The following KIZ variants were observed in gnomAD, a reference collection of about 807,000 sequenced individuals.
KIZ encodes centrosomal protein kizuna.
KIZ carries 68 observed loss-of-function variants against 79.6 expected under a neutral mutation model. The observed-to-expected ratio is 0.85, with a 90% CI of 0.70 to 1.05. The LOEUF (loss-of-function observed/expected upper bound fraction) is 1.05. Among genes scored for constraint, KIZ ranks in the 50% least tolerant of loss-of-function variants. The pLI is 0.00. For missense variants in KIZ, 797 were observed against 800.4 expected (o/e 1.00, Z 0.05); for synonymous variants, 280 against 281.8 (o/e 0.99, Z 0.06).
At chr20:21,146,949 G>A (rs112247623) in intron 4 of KIZ, among the ~76,000 whole-genome samples, 9 of 152,216 alleles carry the variant, frequency 5.9e-5, no homozygotes, top group Admixed American at 1.3e-4. Context: ...TATGCCATTC[G>A]ATGTAGGCCA....
chr20:21,184,920 G>A (rs2034808360), intron 6 of KIZ, among the ~76,000 whole-genome samples: 1 of 152,176 alleles, frequency 6.6e-6, no homozygotes, highest in African/African-American at 2.4e-5. Context: ...GTACACACCT[G>A]TAATCCTAGC....
chr20:21,193,176 C>T (rs911961581), intron 6 of KIZ, among the ~76,000 whole-genome samples: 2 of 152,114 alleles, frequency 1.3e-5, no homozygotes, highest in African/African-American at 4.8e-5. Context: ...AAATTTGTTA[C>T]TATTTATGAT....
rs375352426 is a variant in KIZ, at chr20:21,221,308, GCA to G, written c.1678+5663_1678+5664del. 3.3e-4 allele frequency among the ~76,000 whole-genome samples: 50 copies of G among 152,238 alleles called. 1 individual carries two copies. In the East Asian group the frequency reaches 8.7e-3, roughly 26 times the overall value. Reference sequence around the variant, plus strand: ...AATACAGCACCTAGCACAGTATCTGGCACAGAGTGGGCACTTAATTTGTCAAA... The same window carrying G: ...AATACAGCACCTAGCACAGTATCTGGCAGAGTGGGCACTTAATTTGTCAAA... On this transcript the variant is annotated intron_variant, in intron 9 of 12. Transcript: ENST00000619189.
intron 4 of KIZ, among the ~76,000 whole-genome samples, chr20:21,156,603 A>G (rs2033393939): frequency 6.6e-6 from 1 of 152,176 alleles, no homozygotes. Flanking sequence ...CTGGCTTATT[A>G]TTGGCCCAAT....
chr20:21,179,948 A>C (rs566212303), intron 6 of KIZ, among the ~76,000 whole-genome samples: 5 of 152,126 alleles, frequency 3.3e-5, no homozygotes, highest in Non-Finnish European at 7.4e-5. Context: ...AGTCTTTTTA[A>C]ATTTGTAAGA....
chr20:21,162,790 T>C (rs1378847962), intron 5 of KIZ, 60 bp from the exon 6 acceptor site: 1 of 1,347,032 alleles, frequency 7.4e-7, no homozygotes, highest in African/African-American at 1.4e-5. Context: ...TTCTGCTGTG[T>C]GTTACCTTGC....
Position 21,166,641 on chromosome 20 carries a change from A to G in KIZ, c.1352+3482A>G, listed in dbSNP as rs369153657. On this transcript the variant is annotated intron_variant, in intron 6 of 12. Coordinates refer to ENST00000619189, the MANE Select transcript of KIZ (RefSeq NM_018474.6). ...CTTTTGTATTTTTTTTTTTTTTTGG[A>G]GAGACTTGGTTTCTCCATGTTGGTC... 3,114 of 805,636 alleles carry G rather than the reference A, an allele frequency of 3.9e-3. 69 individuals are homozygous for G. The African/African-American group carries it at 0.054, about 14-fold the overall frequency. The allele number at this position is 805,636 out of a possible 1,614,324, so 49.9% of individuals were successfully genotyped here. A position where few individuals can be genotyped will look rare whatever the true frequency, so the allele number is the denominator to read the frequency against.
At chr20:21,209,449 G>T (rs567578982) in intron 7 of KIZ, among the ~76,000 whole-genome samples, 4 of 152,290 alleles carry the variant, frequency 2.6e-5, no homozygotes, top group African/African-American at 9.6e-5. Context: ...GTAGATCGGG[G>T]TCCTGCCCCC....
Position 21,162,298 on chromosome 20 carries a change from T to TA in KIZ, c.834dup (p.Arg279ThrfsTer12). The TA allele has an allele frequency of 1.2e-6, 2 of 1,613,732 alleles. No homozygotes were observed. The highest frequency in any genetic ancestry group is 1.3e-5 in the African/African-American group (1 of 75,046). On this transcript the variant is annotated frameshift_variant, in exon 5 of 13. Transcript: ENST00000619189. LOFTEE classifies it high-confidence loss of function. ...AAGTCTGCTGAACTCAATTCCCCGT[T>TA]ACGGGAAAGATTAAGTCCAGAGAAC...
chr20:21,168,971 A>AT (rs2034080256), intron 6 of KIZ, among the ~76,000 whole-genome samples: 1 of 152,216 alleles, frequency 6.6e-6, no homozygotes, highest in Non-Finnish European at 1.5e-5. Flanking sequence ...ACCTAAAACC[A>AT]TAAAAACCCT....
At chr20:21,170,668 G>A (rs1394344983) in intron 6 of KIZ, among the ~76,000 whole-genome samples, 3 of 152,080 alleles carry the variant, frequency 2.0e-5, no homozygotes, top group African/African-American at 4.8e-5. Context: ...GATTACAGGC[G>A]TGAGCCACCA....
At position 21,232,750 on chromosome 20, in the gene KIZ, C is replaced by T. The variant is rs754222592; in HGVS notation, c.1800C>T (p.Ser600=). The change falls in exon 11 of 13, where the codon AGC becomes AGT. Residue 600 remains serine, a synonymous_variant. Transcript: ENST00000619189. ...VSHLSGLNIG[S]GAFETKTANK... ...TTATCACAGGTTTGAATATTGGCAG[C>T]GGTGCATTCGAGACAAAGACAGCTA... The T allele has an allele frequency of 8.2e-6, 13 of 1,577,288 alleles. No homozygotes were observed. The highest frequency in any genetic ancestry group is 1.3e-5 in the African/African-American group (1 of 74,338).
At chr20:21,231,708 G>A (rs1292908070) in intron 10 of KIZ, among the ~76,000 whole-genome samples, 1 of 152,174 alleles carries the variant, frequency 6.6e-6, no homozygotes, top group East Asian at 1.9e-4. Flanking sequence ...AAAGTGGGCT[G>A]GGAGGGTGTA....
intron 4 of KIZ, among the ~76,000 whole-genome samples, chr20:21,152,188 T>TA (rs1419661456): frequency 6.6e-6 from 1 of 152,198 alleles, no homozygotes; most frequent in African/African-American, 2.4e-5. Flanking sequence ...CTTCAGTTAC[T>TA]TCATGGAGGG....
At position 21,211,861 on chromosome 20, in the gene KIZ, C is replaced by T. The variant is rs182688574; in HGVS notation, c.1447-2674C>T. On this transcript the variant is annotated intron_variant, in intron 7 of 12. Coordinates refer to ENST00000619189, the MANE Select transcript of KIZ (RefSeq NM_018474.6). ...CCCGGCACTTTGGGAGGCCCAGGAACGCAGATCACGTGAGGACAGGAGTTC... is the reference window on the plus strand; with the variant it reads ...CCCGGCACTTTGGGAGGCCCAGGAATGCAGATCACGTGAGGACAGGAGTTC... Among the ~76,000 whole-genome samples, 311 of 152,252 alleles carry T rather than the reference C, an allele frequency of 2.0e-3. 1 individual carries two copies. Among genetic ancestry groups the T allele is most frequent in the African/African-American group, 6.9e-3 (288 of 41,546 alleles).
At chr20:21,222,878 A>T (rs1225253606) in intron 9 of KIZ, among the ~76,000 whole-genome samples, 1 of 152,240 alleles carries the variant, frequency 6.6e-6, no homozygotes, top group Non-Finnish European at 1.5e-5. Flanking sequence ...TTTCCAAATA[A>T]GGTCACGTTC....
At chr20:21,216,239 C>A (rs2036287987) in intron 9 of KIZ, among the ~76,000 whole-genome samples, 1 of 152,140 alleles carries the variant, frequency 6.6e-6, no homozygotes, top group South Asian at 2.1e-4. Flanking sequence ...AATTAGTATT[C>A]TGTACAGAGT....
intron 6 of KIZ, among the ~76,000 whole-genome samples, chr20:21,177,717 T>A (rs2034492906): frequency 1.3e-5 from 2 of 152,288 alleles, no homozygotes; most frequent in African/African-American, 4.8e-5. Flanking sequence ...CTTCAGGTCT[T>A]ATATTTAAAT....
At chr20:21,237,923 A>G (rs1176538153) in intron 11 of KIZ, among the ~76,000 whole-genome samples, 1 of 152,192 alleles carries the variant, frequency 6.6e-6, no homozygotes, top group Non-Finnish European at 1.5e-5. Context: ...TTTGCCTCCC[A>G]GGCTCAAGCA....
Sources: allele counts gnomAD v4.1 joint callset (sites outside exome capture counted in the v4.1 genomes callset), GRCh38; gene constraint gnomAD v4.1.1; transcripts MANE v1.5; gene names NCBI Gene and HGNC (gene_info 2026-07-23, HGNC 2026-07-21).